The following RFPL1 variants were observed in gnomAD, a reference collection of about 807,000 sequenced individuals.
RFPL1 encodes the protein ret finger protein-like 1.
Under a neutral mutation model 9.6 loss-of-function variants are expected in RFPL1, and 6 were observed. The ratio of observed to expected loss-of-function variants is 0.62; its 90% CI spans 0.34 to 1.23. The LOEUF (loss-of-function observed/expected upper bound fraction) is 1.23, where lower values mean the gene tolerates loss of function less well. RFPL1 is among the 50% of genes most tolerant of loss of function. The probability of loss-of-function intolerance (pLI) is 0.03; values close to 1 mark genes in which losing one functional copy is unlikely to be tolerated. For missense variants in RFPL1, 352 were observed against 398.4 expected, an observed-to-expected ratio of 0.88 and a Z score of 0.99; for synonymous variants, 145 against 149.4, an observed-to-expected ratio of 0.97 and a Z score of 0.22.
At chr22:29,406,139 AAAAAAAAT>A in the RFPL1 span, among the ~76,000 whole-genome samples, 2,738 of 62,460 alleles carry the variant, frequency 0.044, 254 homozygotes, top group East Asian at 0.072. Context: ...AAAAAAAAAA[AAAAAAAAT>A]AAAAAAAAAG....
the RFPL1 span, among the ~76,000 whole-genome samples, chr22:29,429,048 G>GT: frequency 1.3e-5 from 2 of 152,016 alleles, no homozygotes; most frequent in African/African-American, 4.8e-5. Context: ...GAAAAGTTGG[G>GT]TTTTTTGTCT....
chr22:29,416,832 G>A, the RFPL1 span, among the ~76,000 whole-genome samples: 2 of 152,206 alleles, frequency 1.3e-5, no homozygotes, highest in Non-Finnish European at 2.9e-5. Context: ...CAAATAACCT[G>A]CCTGGAGGAG....
chr22:29,442,133 C>CA (rs776229063), exon 2 of RFPL1: 126 of 1,497,824 alleles, frequency 8.4e-5, no homozygotes, highest in Middle Eastern at 3.6e-4. Context: ...GCCCCCACTG[C>CA]AAAAAAACAA....
Position 29,442,046 on chromosome 22 carries a change from A to G in RFPL1, c.878A>G (p.Lys293Arg). Reference sequence around the variant, plus strand: ...CCTCCAAGTCCACCTAATGGTGATAAGAGTGTCTTGAGTATCTGTCCTGTG... The same window carrying G: ...CCTCCAAGTCCACCTAATGGTGATAGGAGTGTCTTGAGTATCTGTCCTGTG... Residue 293 changes from lysine to arginine, a missense_variant, in exon 2 of 2, where the codon AAG becomes AGG. Transcript: ENST00000354373. The G allele has an allele frequency of 1.9e-6, 3 of 1,613,898 alleles. No individual in the cohort carries two copies. Among genetic ancestry groups the G allele is most frequent in the Non-Finnish European group, 2.5e-6 (3 of 1,179,890 alleles).
chr22:29,433,800 G>A (rs2062795612), upstream of RFPL1, among the ~76,000 whole-genome samples: 1 of 151,976 alleles, frequency 6.6e-6, no homozygotes, highest in Non-Finnish European at 1.5e-5. Flanking sequence ...GTGGCTATGG[G>A]GCCCTTGAAA....
the RFPL1 span, among the ~76,000 whole-genome samples, chr22:29,410,356 A>ATAT: frequency 0.034 from 2,304 of 68,742 alleles, 108 homozygotes; most frequent in East Asian, 0.11. Context: ...ATAGATATAT[A>ATAT]TGTAGATATA....
the RFPL1 span, among the ~76,000 whole-genome samples, chr22:29,424,087 G>GA: frequency 2.9e-3 from 444 of 152,112 alleles, 3 homozygotes; most frequent in African/African-American, 0.01. Context: ...GGCTGAGGCG[G>GA]AAAAATCACT....
At chr22:29,401,135 A>G in the RFPL1 span, among the ~76,000 whole-genome samples, 1 of 152,248 alleles carries the variant, frequency 6.6e-6, no homozygotes, top group African/African-American at 2.4e-5. Context: ...CATGGCTTCA[A>G]TTGTATTGTA....
intron 1 of RFPL1, 184 bp downstream of exon 1, chr22:29,439,348 G>C: frequency 1.1e-6 from 1 of 952,142 alleles, no homozygotes; most frequent in South Asian, 1.7e-5. Context: ...CCAAAAAAAA[G>C]GCTGGCTGGG....
At position 29,442,130 on chromosome 22, in the gene RFPL1, C is replaced by T. The variant is rs763237851; in HGVS notation, c.*8C>T. The T allele has an allele frequency of 3.3e-6, 5 of 1,513,148 alleles. No individual in the cohort carries two copies. In the East Asian group the frequency reaches 1.1e-4, roughly 35 times the overall value. The allele number at this position is 1,513,148 out of a possible 1,614,324, so 93.7% of individuals were successfully genotyped here. A position where few individuals can be genotyped will look rare whatever the true frequency, so the allele number is the denominator to read the frequency against. On this transcript the variant is annotated 3_prime_UTR_variant, in exon 2 of 2. Coordinates refer to ENST00000354373, the Ensembl canonical transcript of RFPL1. ...CCTGGGGAGGCCAAATAAGCCCCCACTGCAAAAAAACAAAAAACAGGTTAA... is the reference window on the plus strand; with the variant it reads ...CCTGGGGAGGCCAAATAAGCCCCCATTGCAAAAAAACAAAAAACAGGTTAA...
At chr22:29,402,621 C>T in the RFPL1 span, among the ~76,000 whole-genome samples, 1 of 151,874 alleles carries the variant, frequency 6.6e-6, no homozygotes, top group East Asian at 1.9e-4. Flanking sequence ...AAAACTAACA[C>T]TTGTAAGACA....
the RFPL1 span, among the ~76,000 whole-genome samples, chr22:29,432,245 A>T: frequency 0.026 from 3,918 of 152,308 alleles, 158 homozygotes; most frequent in African/African-American, 0.089. Context: ...ATTAACTGAT[A>T]AGATACTGTG....
At chr22:29,409,386 T>C in the RFPL1 span, among the ~76,000 whole-genome samples, 1 of 152,290 alleles carries the variant, frequency 6.6e-6, no homozygotes, top group East Asian at 1.9e-4. Context: ...AAGCCAAGGC[T>C]CTTTCATTTC....
At chr22:29,427,502 G>A in the RFPL1 span, among the ~76,000 whole-genome samples, 3 of 152,210 alleles carry the variant, frequency 2.0e-5, no homozygotes, top group Non-Finnish European at 2.9e-5. Context: ...GACAACCAAT[G>A]GATGCCCATT....
the RFPL1 span, among the ~76,000 whole-genome samples, chr22:29,428,682 T>G: frequency 6.8e-3 from 1,038 of 152,184 alleles, 5 homozygotes; most frequent in Non-Finnish European, 0.01. Flanking sequence ...AAAAAATCAA[T>G]AACAAACAGA....
At chr22:29,426,896 G>A in the RFPL1 span, among the ~76,000 whole-genome samples, 12 of 152,194 alleles carry the variant, frequency 7.9e-5, no homozygotes, top group Admixed American at 2.0e-4. Context: ...GGGGGACATC[G>A]AGAGAGGAGT....
chr22:29,416,402 G>A, the RFPL1 span, among the ~76,000 whole-genome samples: 8 of 152,016 alleles, frequency 5.3e-5, no homozygotes, highest in Non-Finnish European at 7.4e-5. Flanking sequence ...GTTTTTGTAT[G>A]AGCCTGTGTC....
At chr22:29,422,808 TACACACACAC>T in the RFPL1 span, among the ~76,000 whole-genome samples, 7 of 150,128 alleles carry the variant, frequency 4.7e-5, no homozygotes, top group South Asian at 1.5e-3. Flanking sequence ...AACACACACA[TACACACACAC>T]ACACACACTC....
At chr22:29,418,602 C>T in the RFPL1 span, among the ~76,000 whole-genome samples, 1 of 150,462 alleles carries the variant, frequency 6.6e-6, no homozygotes, top group Non-Finnish European at 1.5e-5. Context: ...CAGGTTCAAG[C>T]AATTCTCCTG....
Sources: gnomAD v4.1 joint callset for allele counts (sites outside exome capture counted in the v4.1 genomes callset) on GRCh38, gnomAD v4.1.1 for gene constraint, MANE v1.5 for transcripts, NCBI Gene and HGNC (gene_info 2026-07-23, HGNC 2026-07-21) for gene names.